BLTP1: variants seen among roughly 807,000 people sequenced by gnomAD.
BLTP1 encodes the protein bridge-like lipid transfer protein family member 1, also known as fragile site-associated protein.
At chr4:122,155,423 A>G in the BLTP1 span, among the ~76,000 whole-genome samples, 1 of 151,282 alleles carries the variant, frequency 6.6e-6, no homozygotes, top group Non-Finnish European at 1.5e-5. Flanking sequence ...TCCTGGGTTC[A>G]AGTAATTCTC....
the BLTP1 span, among the ~76,000 whole-genome samples, chr4:122,185,626 C>T: frequency 1.7e-3 from 265 of 152,030 alleles, 1 homozygote; most frequent in African/African-American, 6.1e-3. Context: ...TTCTGTGATG[C>T]AAAAGTTCAA....
chr4:122,298,220 A>G, the BLTP1 span: 2 of 934,690 alleles, frequency 2.1e-6, no homozygotes, highest in African/African-American at 1.8e-5. Flanking sequence ...AACTTTCAAA[A>G]TCAGAATCAT....
chr4:122,263,963 C>A, the BLTP1 span: 1 of 360,482 alleles, frequency 2.8e-6, no homozygotes, highest in Non-Finnish European at 3.9e-6. Context: ...TAATAACTAT[C>A]ATTCTAAACC....
At chr4:122,174,509 C>CT in the BLTP1 span, 1 of 1,581,562 alleles carries the variant, frequency 6.3e-7, no homozygotes. Context: ...TTATTTTAAA[C>CT]TTTAAGGGCC....
chr4:122,305,268 T>G, the BLTP1 span: 3 of 976,192 alleles, frequency 3.1e-6, no homozygotes, highest in Non-Finnish European at 3.7e-6. Context: ...ATTTTTTATT[T>G]CAAAGTCTTG....
At chr4:122,212,076 G>C in the BLTP1 span, 1 of 984,570 alleles carries the variant, frequency 1.0e-6, no homozygotes, top group Non-Finnish European at 1.2e-6. Flanking sequence ...ATTCTGGAGA[G>C]AGGGACTAGG....
the BLTP1 span, among the ~76,000 whole-genome samples, chr4:122,175,442 A>G: frequency 6.6e-6 from 1 of 152,184 alleles, no homozygotes; most frequent in Non-Finnish European, 1.5e-5. Flanking sequence ...GCTTATTGTT[A>G]CATAATTTTT....
the BLTP1 span, chr4:122,286,554 A>G: frequency 1.9e-6 from 3 of 1,614,082 alleles, no homozygotes; most frequent in Non-Finnish European, 2.5e-6. Flanking sequence ...CACAGACAAG[A>G]TTTACATTTG....
the BLTP1 span, chr4:122,181,202 A>G: frequency 1.4e-6 from 1 of 725,724 alleles, no homozygotes; most frequent in South Asian, 6.3e-5. Context: ...CCTAGGGAGT[A>G]TTTACAAACA....
the BLTP1 span, chr4:122,229,047 AAAG>A: frequency 7.8e-7 from 1 of 1,283,560 alleles, no homozygotes. Context: ...GTGTTTATTT[AAAG>A]AAGATGACTT....
the BLTP1 span, chr4:122,246,960 T>G: frequency 7.3e-7 from 1 of 1,375,290 alleles, no homozygotes. Context: ...ATTTATAGAT[T>G]AGTAACATAT....
the BLTP1 span, chr4:122,333,347 A>G: frequency 8.9e-6 from 1 of 112,362 alleles, no homozygotes; most frequent in Non-Finnish European, 1.8e-5. Context: ...ATGATATCTC[A>G]TAGTGGTTTT....
At chr4:122,331,333 T>C in the BLTP1 span, 4 of 1,609,768 alleles carry the variant, frequency 2.5e-6, no homozygotes, top group Non-Finnish European at 3.4e-6. Flanking sequence ...TAGACATACG[T>C]CTCGTAAAAA....
At chr4:122,222,927 C>G in the BLTP1 span, 5,784 of 897,300 alleles carry the variant, frequency 6.4e-3, 31 homozygotes, top group South Asian at 0.028. Flanking sequence ...ATTGGTGTAT[C>G]ATGTAGGCTA....
At chr4:122,292,467 A>T in the BLTP1 span, 46 of 846,858 alleles carry the variant, frequency 5.4e-5, no homozygotes, top group Middle Eastern at 1.8e-3. Context: ...ATTATTTCAG[A>T]TATGTTAAAA....
the BLTP1 span, chr4:122,255,177 CA>C: frequency 6.2e-7 from 1 of 1,609,268 alleles, no homozygotes; most frequent in East Asian, 2.2e-5. Flanking sequence ...AACAGGCTTA[CA>C]AAAGTTGCTC....
At chr4:122,166,543 G>T in the BLTP1 span, among the ~76,000 whole-genome samples, 2 of 152,124 alleles carry the variant, frequency 1.3e-5, no homozygotes, top group African/African-American at 2.4e-5. Context: ...GTTAGGATTG[G>T]CTTGGCAATG....
chr4:122,337,187 G>A, the BLTP1 span: 1 of 613,222 alleles, frequency 1.6e-6, no homozygotes, highest in South Asian at 2.1e-5. Context: ...TGTGAAGTAT[G>A]TGTAAAATTT....
chr4:122,222,499 C>G, the BLTP1 span, among the ~76,000 whole-genome samples: 1 of 152,100 alleles, frequency 6.6e-6, no homozygotes, highest in East Asian at 1.9e-4. Context: ...CATAAAAGAA[C>G]AGAAATTTAT....
Sources: allele counts gnomAD v4.1 joint callset (sites outside exome capture counted in the v4.1 genomes callset), GRCh38; gene constraint gnomAD v4.1.1; transcripts MANE v1.5; gene names NCBI Gene and HGNC (gene_info 2026-07-23, HGNC 2026-07-21).